Variants in CNKSR2 observed in about 807,000 individuals in gnomAD.
CNKSR2 encodes CNK homolog protein 2.
A neutral mutation model predicts 84.4 loss-of-function variants in CNKSR2; 14 were observed. The ratio of observed to expected loss-of-function variants is 0.17; its 90% CI spans 0.11 to 0.26. The LOEUF is 0.26. CNKSR2 is among the 10% of genes least tolerant of loss of function. The probability of loss-of-function intolerance (pLI) is 1.00; values close to 1 mark genes in which losing one functional copy is unlikely to be tolerated. For missense variants in CNKSR2, 485 were observed against 771.2 expected (o/e 0.63, Z 4.40); for synonymous variants, 275 against 277.9 (o/e 0.99, Z 0.10).
intron 5 of CNKSR2, among the ~76,000 whole-genome samples, chrX:21,474,564 A>C (rs915819702): frequency 8.9e-6 from 1 of 111,754 alleles, no homozygotes; most frequent in Non-Finnish European, 1.9e-5. Context: ...TAACTCTCTC[A>C]CACTACCAGG....
chrX:21,654,282 A>AC lies in CNKSR2; in HGVS notation c.*1761_*1762insC, dbSNP rs1170998168. 6 of 106,801 alleles carry AC rather than the reference A, an allele frequency of 5.6e-5. No homozygotes were observed. Among genetic ancestry groups the AC allele is most frequent in the East Asian group, 3.0e-4 (1 of 3,379 alleles). The allele number at this position is 106,801 out of a possible 1,213,427, so 8.8% of individuals were successfully genotyped here. Reference sequence around the variant, plus strand: ...GGGATTTTGTATATGTAAAAAAAAAAAAAAAAAAAAAACAAAAAACCTCTT... The same window carrying AC: ...GGGATTTTGTATATGTAAAAAAAAAACAAAAAAAAAAAACAAAAAACCTCTT... On this transcript the variant is annotated 3_prime_UTR_variant, in exon 22 of 22. Transcript: ENST00000379510.
At chrX:21,531,824 A>C in intron 10 of CNKSR2, 32 bp from the exon 11 acceptor site, 1 of 1,042,989 alleles carries the variant, frequency 9.6e-7, no homozygotes, top group African/African-American at 1.8e-5. Flanking sequence ...ACATGTTTCT[A>C]CATCTTCTCC....
intron 20 of CNKSR2, chrX:21,642,324 T>C: frequency 1.3e-6 from 1 of 749,363 alleles, no homozygotes; most frequent in Non-Finnish European, 1.6e-6. Context: ...TCTTGGCACT[T>C]GTATACAAGT....
At chrX:21,388,801 T>C (rs1198574288) in intron 1 of CNKSR2, among the ~76,000 whole-genome samples, 1 of 110,718 alleles carries the variant, frequency 9.0e-6, no homozygotes, top group African/African-American at 3.3e-5. Context: ...CACTCCTTGA[T>C]TGTAGGTTGC....
At chrX:21,422,627 A>G (rs924671581) in intron 1 of CNKSR2, among the ~76,000 whole-genome samples, 1 of 112,181 alleles carries the variant, frequency 8.9e-6, no homozygotes, top group Non-Finnish European at 1.9e-5. Flanking sequence ...TGTAAGAAAC[A>G]GTCTAATGGG....
Position 21,563,380 on chromosome X carries a change from A to G in CNKSR2, c.1536A>G (p.Leu512=). 8.3e-7 allele frequency: 1 copy of G among 1,210,482 alleles called. No individual in the cohort carries two copies. Among genetic ancestry groups the G allele is most frequent in the African/African-American group, 1.7e-5 (1 of 57,712 alleles). The change falls in exon 13 of 22, where the codon CTA becomes CTG. Residue 512 remains leucine (L), a synonymous_variant. Transcript: ENST00000379510. ...KSNSPTHYSL[L]PSLQMDALRQ... ...ATAGCCCAACTCACTATTCATTGCT[A>G]CCTAGTTTACAAATGGATGCACTGA...
At chrX:21,513,347 A>G (rs912073017) in intron 8 of CNKSR2, among the ~76,000 whole-genome samples, 18 of 111,669 alleles carry the variant, frequency 1.6e-4, no homozygotes, top group Non-Finnish European at 1.9e-5. Context: ...ATGTAACGGA[A>G]CCATGTTATT....
chrX:21,620,458 A>C (rs2092597047), intron 20 of CNKSR2, among the ~76,000 whole-genome samples: 1 of 111,009 alleles, frequency 9.0e-6, no homozygotes, highest in Non-Finnish European at 1.9e-5. Flanking sequence ...TAGCCCTCTC[A>C]CCATAGAACT....
intron 13 of CNKSR2, among the ~76,000 whole-genome samples, chrX:21,585,201 C>G (rs1197443478): frequency 5.6e-5 from 6 of 107,695 alleles, no homozygotes; most frequent in African/African-American, 1.7e-4. Context: ...CAAGATCATG[C>G]CACTGCACTC....
intron 20 of CNKSR2, chrX:21,645,363 G>A (rs1263859936): frequency 1.8e-5 from 2 of 112,066 alleles, no homozygotes; most frequent in Non-Finnish European, 3.8e-5. Context: ...TATGTAATCT[G>A]ACACAGGACT....
At chrX:21,440,238 A>G (rs936716676) in intron 3 of CNKSR2, among the ~76,000 whole-genome samples, 3 of 111,509 alleles carry the variant, frequency 2.7e-5, no homozygotes, top group Non-Finnish European at 5.7e-5. Context: ...TGATACAGGT[A>G]AAGCATTTAG....
intron 2 of CNKSR2, chrX:21,429,757 G>A (rs1209845345): frequency 9.0e-6 from 1 of 111,119 alleles, no homozygotes; most frequent in Non-Finnish European, 1.9e-5. Context: ...AATTAGCCAG[G>A]TGTGCTGGCA....
chrX:21,578,416 C>T (rs2092332796), intron 13 of CNKSR2, among the ~76,000 whole-genome samples: 1 of 110,447 alleles, frequency 9.1e-6, no homozygotes, highest in South Asian at 3.9e-4. Flanking sequence ...TAAAATTCAG[C>T]TATAGGTCAG....
intron 5 of CNKSR2, among the ~76,000 whole-genome samples, chrX:21,488,628 T>C (rs905230274): frequency 3.6e-5 from 4 of 111,556 alleles, no homozygotes; most frequent in Non-Finnish European, 3.8e-5. Flanking sequence ...ACAGTTTCTT[T>C]AGTGTAAAGA....
chrX:21,495,382 A>T (rs191849226), intron 6 of CNKSR2: 1 of 112,116 alleles, frequency 8.9e-6, no homozygotes, highest in Non-Finnish European at 1.9e-5. Flanking sequence ...GTAGATATTA[A>T]TGGTGGTGAT....
At chrX:21,422,823 A>G (rs2090516314) in intron 1 of CNKSR2, among the ~76,000 whole-genome samples, 1 of 111,682 alleles carries the variant, frequency 9.0e-6, no homozygotes, top group Non-Finnish European at 1.9e-5. Context: ...GTATCAGAAT[A>G]TCACATGTAT....
intron 4 of CNKSR2, among the ~76,000 whole-genome samples, chrX:21,449,947 T>G (rs763859176): frequency 2.7e-5 from 3 of 112,294 alleles, no homozygotes; most frequent in East Asian, 5.6e-4. Flanking sequence ...TAATACAGTC[T>G]GCCACAGCAA....
intron 11 of CNKSR2, among the ~76,000 whole-genome samples, chrX:21,541,172 G>A (rs1182072824): frequency 9.0e-6 from 1 of 110,521 alleles, no homozygotes. Context: ...TAGTAGAGAC[G>A]TGGTTTCACC....
At chrX:21,459,283 C>T (rs749912690) in intron 4 of CNKSR2, among the ~76,000 whole-genome samples, 2 of 111,862 alleles carry the variant, frequency 1.8e-5, no homozygotes, top group African/African-American at 6.5e-5. Flanking sequence ...CTCGGCCTCC[C>T]AGAGTGCTGG....
Sources: allele counts gnomAD v4.1 joint callset (sites outside exome capture counted in the v4.1 genomes callset), GRCh38; gene constraint gnomAD v4.1.1; transcripts MANE v1.5; gene names NCBI Gene and HGNC (gene_info 2026-07-23, HGNC 2026-07-21).